Variants in SULT2B1 observed in about 807,000 individuals in gnomAD.
SULT2B1 encodes sulfotransferase family 2B member 1, also known as sulfotransferase 2B1.
In SULT2B1, 16 loss-of-function variants were observed where a neutral mutation model predicts 33.2. That is an observed-to-expected ratio of 0.48 (90% CI 0.33 to 0.73). The LOEUF is 0.73. Ranked by LOEUF, SULT2B1 falls within the 30% of genes least tolerant of loss-of-function variation. The probability of loss-of-function intolerance (pLI) is 0.02; values close to 1 mark genes in which losing one functional copy is unlikely to be tolerated. For missense variants in SULT2B1, 500 were observed against 506.0 expected (o/e 0.99, Z 0.11); for synonymous variants, 186 against 200.5 (o/e 0.93, Z 0.61).
At position 48,591,706 on chromosome 19, in the gene SULT2B1, A is replaced by C. The variant is rs1020958119; in HGVS notation, c.521A>C (p.Gln174Pro). The change falls in exon 4 of 7, where the codon CAG becomes CCG. Residue 174 changes from glutamine (Q) to proline (P), a missense_variant. Physicochemically the swap from Gln to Pro is moderately conservative, Grantham distance 76 (BLOSUM62 -1). Coordinates refer to ENST00000201586, the MANE Select transcript of SULT2B1 (RefSeq NM_177973.2). Reference protein sequence around the residue: ...GQLKDPGTPDQFLRDFLKGEV... With the variant: ...GQLKDPGTPDPFLRDFLKGEV... ...TTAAAGGACCCGGGCACACCCGACC[A>C]GTTCCTGAGGGACTTCCTCAAAGGC... 1.9e-6 allele frequency: 3 copies of C among 1,605,694 alleles called. No homozygotes were observed. Among genetic ancestry groups the C allele is most frequent in the Non-Finnish European group, 2.6e-6 (3 of 1,175,462 alleles).
intron 1 of SULT2B1, among the ~76,000 whole-genome samples, chr19:48,554,035 G>C (rs937822323): frequency 6.6e-6 from 1 of 152,072 alleles, no homozygotes; most frequent in African/African-American, 2.4e-5. Flanking sequence ...ACCTCGCTAA[G>C]TGGGTGACCT....
rs148284024 is a variant in SULT2B1, at chr19:48,565,135, G to C, written c.72-10806G>C. On this transcript the variant is annotated intron_variant, in intron 1 of 6. Coordinates refer to ENST00000201586, the MANE Select transcript of SULT2B1 (RefSeq NM_177973.2). The stretch of plus-strand genomic sequence containing the variant: ...GAGACAGGGTTTCGCCATGTTAGAC[G>C]GGCTGGTCTCAAACACCTGACCTCA... Among the ~76,000 whole-genome samples the C allele has an allele frequency of 2.0e-5, 3 of 151,416 alleles. No individual in the cohort carries two copies. The East Asian group carries it at 5.8e-4, about 29-fold the overall frequency.
intron 5 of SULT2B1, among the ~76,000 whole-genome samples, chr19:48,593,903 A>G (rs892061350): frequency 1.3e-5 from 2 of 150,488 alleles, no homozygotes; most frequent in Non-Finnish European, 3.0e-5. Flanking sequence ...CAAAGTTTTT[A>G]TATTTGGACC....
chr19:48,571,997 G>T (rs998516909), intron 1 of SULT2B1, among the ~76,000 whole-genome samples: 2 of 152,182 alleles, frequency 1.3e-5, no homozygotes, highest in Admixed American at 6.6e-5. Context: ...ATTTCTTGGA[G>T]CATGAAGTGG....
intron 1 of SULT2B1, among the ~76,000 whole-genome samples, chr19:48,566,954 G>C (rs1973251987): frequency 6.6e-6 from 1 of 151,912 alleles, no homozygotes; most frequent in African/African-American, 2.4e-5. Flanking sequence ...AGTGAGCCGT[G>C]ATTGTGTCAC....
chr19:48,552,196 G>A lies in SULT2B1; in HGVS notation c.-57G>A. On this transcript the variant is annotated 5_prime_UTR_variant, in exon 1 of 7. Transcript: ENST00000201586. The surrounding 1 kb of genome is among the most constrained non-coding windows in gnomAD (Gnocchi z 4.8). ...CAGACGCTGTCGCTGCGCACACCTG[G>A]CCTCTGTGCCGCCTGCTCCCTGCTC... is the stretch of plus-strand genomic sequence containing the variant. The A allele has an allele frequency of 6.4e-7, 1 of 1,557,410 alleles. No individual in the cohort carries two copies. The highest frequency in any genetic ancestry group is 8.8e-7 in the Non-Finnish European group (1 of 1,133,716).
At chr19:48,584,922 A>G (rs925608485) in intron 2 of SULT2B1, among the ~76,000 whole-genome samples, 3 of 151,844 alleles carry the variant, frequency 2.0e-5, no homozygotes, top group South Asian at 2.1e-4. Context: ...GTGGTGGCAC[A>G]CTTCTAGTCC....
chr19:48,552,426 C>T lies in SULT2B1; in HGVS notation c.71+103C>T, dbSNP rs1003679230. On this transcript the variant is annotated intron_variant, in intron 1 of 6. Transcript: ENST00000201586. The surrounding 1 kb of genome is among the most constrained non-coding windows in gnomAD (Gnocchi z 4.8). Reference sequence around the variant, plus strand: ...AGGGTGGCCTCCAGCCACCCGCAGCCGCAGGCCTGGCCCAGACTTAGCTGG... The same window carrying T: ...AGGGTGGCCTCCAGCCACCCGCAGCTGCAGGCCTGGCCCAGACTTAGCTGG... 9.3e-6 allele frequency: 12 copies of T among 1,290,918 alleles called. No homozygotes were observed. Among genetic ancestry groups the T allele is most frequent in the Middle Eastern group, 2.4e-4 (1 of 4,178 alleles). 80.0% of individuals were successfully genotyped at this position (1,290,918 alleles called of 1,614,324 possible).
At chr19:48,584,761 T>A (rs951580595) in intron 2 of SULT2B1, among the ~76,000 whole-genome samples, 1 of 148,922 alleles carries the variant, frequency 6.7e-6, no homozygotes, top group East Asian at 2.0e-4. Context: ...AAAAATTAGG[T>A]GGGCGCAGGC....
chr19:48,578,915 A>T (rs557304517), intron 2 of SULT2B1, among the ~76,000 whole-genome samples: 1 of 152,068 alleles, frequency 6.6e-6, no homozygotes, highest in East Asian at 1.9e-4. Flanking sequence ...AAAGAACATT[A>T]TCATCATCCA....
At chr19:48,594,023 C>G (rs1476841096) in intron 5 of SULT2B1, among the ~76,000 whole-genome samples, 1 of 151,870 alleles carries the variant, frequency 6.6e-6, no homozygotes, top group African/African-American at 2.4e-5. Context: ...CTTTGGGAGG[C>G]CGAGGTAGGC....
At chr19:48,587,693 A>T (rs532069348) in intron 3 of SULT2B1, among the ~76,000 whole-genome samples, 1 of 151,408 alleles carries the variant, frequency 6.6e-6, no homozygotes, top group East Asian at 2.0e-4. Flanking sequence ...GGAGTTTGAG[A>T]CCAGCTTGGG....
intron 1 of SULT2B1, among the ~76,000 whole-genome samples, chr19:48,569,506 G>T (rs1973292928): frequency 6.6e-6 from 1 of 151,102 alleles, no homozygotes; most frequent in African/African-American, 2.4e-5. Context: ...GATCGCTTGA[G>T]CCCAGGAGTT....
At chr19:48,577,931 G>A (rs531288805) in intron 2 of SULT2B1, among the ~76,000 whole-genome samples, 11 of 152,224 alleles carry the variant, frequency 7.2e-5, no homozygotes, top group African/African-American at 2.6e-4. Flanking sequence ...AAAAGTAGAG[G>A]GTAGGCGGGG....
At chr19:48,556,928 C>A (rs1222331378) in intron 1 of SULT2B1, among the ~76,000 whole-genome samples, 2 of 149,806 alleles carry the variant, frequency 1.3e-5, no homozygotes, top group Non-Finnish European at 3.0e-5. Flanking sequence ...CCAGCCTGGG[C>A]AACAGAACAA....
intron 1 of SULT2B1, among the ~76,000 whole-genome samples, chr19:48,553,364 A>G (rs1484260362): frequency 6.6e-6 from 1 of 152,092 alleles, no homozygotes; most frequent in Non-Finnish European, 1.5e-5. Flanking sequence ...CTGGAGTGCA[A>G]TGGCACGATA....
At chr19:48,557,691 C>A (rs911028668) in intron 1 of SULT2B1, among the ~76,000 whole-genome samples, 1 of 151,868 alleles carries the variant, frequency 6.6e-6, no homozygotes, top group South Asian at 2.1e-4. Context: ...CCGAGGTGGG[C>A]GGATCACCTG....
chr19:48,553,237 A>G (rs765250448), intron 1 of SULT2B1, among the ~76,000 whole-genome samples: 5 of 152,206 alleles, frequency 3.3e-5, no homozygotes, highest in Non-Finnish European at 7.3e-5. Context: ...GGGCCCCTCC[A>G]GCCACCGTGG....
At chr19:48,591,325 T>A in intron 3 of SULT2B1, 1 of 262,890 alleles carries the variant, frequency 3.8e-6, no homozygotes, top group Non-Finnish European at 7.4e-6. Flanking sequence ...ACAAAAATTA[T>A]CCTGATGTGG....
Sources: allele counts gnomAD v4.1 joint callset (sites outside exome capture counted in the v4.1 genomes callset), GRCh38; gene constraint gnomAD v4.1.1; non-coding constraint Gnocchi (gnomAD v3.1); transcripts MANE v1.5; gene names NCBI Gene and HGNC (gene_info 2026-07-23, HGNC 2026-07-21).